CHL1: variants seen among roughly 807,000 people sequenced by gnomAD.
The protein encoded by CHL1 is cell adhesion molecule L1 like.
Under a neutral mutation model 141.9 loss-of-function variants are expected in CHL1, and 96 were observed. The observed-to-expected ratio is 0.68, with a 90% CI of 0.57 to 0.80. The LOEUF (loss-of-function observed/expected upper bound fraction) is 0.80, where lower values mean the gene tolerates loss of function less well. CHL1 is among the 30% of genes least tolerant of loss of function. The pLI, the probability that CHL1 is intolerant of heterozygous loss-of-function variation, is 0.00. For synonymous variants in CHL1, 613 were observed against 502.2 expected (o/e 1.22, Z -2.95); for missense variants, 1,820 against 1,457.2 (o/e 1.25, Z -4.05).
intron 25 of CHL1, among the ~76,000 whole-genome samples, 193 bp downstream of exon 25, chr3:398,578 A>G (rs527345488): frequency 2.6e-5 from 4 of 152,298 alleles, no homozygotes; most frequent in Non-Finnish European, 4.4e-5. Flanking sequence ...ACCATCCTTT[A>G]TTTTGTTTTT....
chr3:232,478 C>T (rs951131181), intron 1 of CHL1, among the ~76,000 whole-genome samples: 12 of 151,928 alleles, frequency 7.9e-5, no homozygotes, highest in African/African-American at 2.7e-4. Flanking sequence ...ATTTTTTGAA[C>T]GTTTTACTAT....
chr3:338,732 G>A (rs1702131679), intron 5 of CHL1, among the ~76,000 whole-genome samples: 2 of 152,178 alleles, frequency 1.3e-5, no homozygotes, highest in Admixed American at 1.3e-4. Flanking sequence ...GCACGCGATA[G>A]CAGTTTTGGT....
At chr3:232,126 A>T (rs956820059) in intron 1 of CHL1, among the ~76,000 whole-genome samples, 2 of 150,808 alleles carry the variant, frequency 1.3e-5, no homozygotes, top group African/African-American at 5.0e-5. Flanking sequence ...TCATCTCCTT[A>T]ACTGAGAAGG....
intron 2 of CHL1, among the ~76,000 whole-genome samples, chr3:251,833 T>C (rs927169956): frequency 6.6e-6 from 1 of 152,190 alleles, no homozygotes; most frequent in Non-Finnish European, 1.5e-5. Flanking sequence ...ATATTTCTTC[T>C]ACTAAAAAGC....
At chr3:394,557 G>T (rs907406155) in intron 23 of CHL1, 136 bp from the exon 24 acceptor site, 3 of 654,990 alleles carry the variant, frequency 4.6e-6, no homozygotes, top group Middle Eastern at 4.2e-4. Context: ...GTACCTCATA[G>T]GATTAAATGA....
chr3:198,530 C>G (rs748027228), intron 1 of CHL1, among the ~76,000 whole-genome samples: 1 of 152,196 alleles, frequency 6.6e-6, no homozygotes, highest in Non-Finnish European at 1.5e-5. Flanking sequence ...TAACTACGTG[C>G]CTCAGTTTCC....
At chr3:268,683 T>C (rs897603704) in intron 2 of CHL1, among the ~76,000 whole-genome samples, 1 of 152,228 alleles carries the variant, frequency 6.6e-6, no homozygotes, top group Non-Finnish European at 1.5e-5. Flanking sequence ...CATAAATATA[T>C]CTTGCAAAAC....
intron 2 of CHL1, among the ~76,000 whole-genome samples, chr3:276,890 T>TA (rs11292528): frequency 0.016 from 1,062 of 64,418 alleles, 30 homozygotes; most frequent in African/African-American, 0.032. Context: ...CTCCGTCTCC[T>TA]AAAAAAAAAA....
At chr3:344,463 T>C (rs1238236886) in intron 8 of CHL1, 126 bp from the exon 9 acceptor site, 2 of 349,040 alleles carry the variant, frequency 5.7e-6, no homozygotes, top group Non-Finnish European at 9.6e-6. Flanking sequence ...GAAATGTGTA[T>C]AGAACACACA....
chr3:210,081 C>A (rs915577486), intron 1 of CHL1, among the ~76,000 whole-genome samples: 4 of 152,162 alleles, frequency 2.6e-5, no homozygotes, highest in African/African-American at 9.7e-5. Flanking sequence ...ATATGAGATT[C>A]TTGGGGTATC....
At chr3:362,120 A>G (rs940744889) in intron 13 of CHL1, among the ~76,000 whole-genome samples, 1 of 152,200 alleles carries the variant, frequency 6.6e-6, no homozygotes, top group Non-Finnish European at 1.5e-5. Context: ...AGGTACCACA[A>G]GGTCATGTTT....
chr3:407,317 T>C lies in CHL1; in HGVS notation c.*1606T>C, dbSNP rs1308072867. On this transcript the variant is annotated 3_prime_UTR_variant, in exon 28 of 28. Coordinates refer to ENST00000256509, the MANE Select transcript of CHL1 (RefSeq NM_006614.4). ...CCTTATAGTTCATGGAGACCAAAAT[T>C]TGGGGTATTTATAATAGTCAGCGCA... is the stretch of plus-strand genomic sequence containing the variant. The C allele has an allele frequency of 6.6e-6, 1 of 152,068 alleles. No individual in the cohort carries two copies. Among genetic ancestry groups the C allele is most frequent in the Non-Finnish European group, 1.5e-5 (1 of 68,006 alleles). The allele number at this position is 152,068 out of a possible 1,614,324, so 9.4% of individuals were successfully genotyped here.
At chr3:343,368 TTAAG>T (rs561815497) in intron 8 of CHL1, among the ~76,000 whole-genome samples, 346 of 152,286 alleles carry the variant, frequency 2.3e-3, no homozygotes, top group African/African-American at 8.0e-3. Context: ...AAAGAAATGG[TTAAG>T]TGTCAAAAGA....
At chr3:283,615 A>G (rs1696854278) in intron 2 of CHL1, among the ~76,000 whole-genome samples, 1 of 152,224 alleles carries the variant, frequency 6.6e-6, no homozygotes, top group Admixed American at 6.5e-5. Flanking sequence ...GTTAAATTAA[A>G]TTCATATGAG....
At chr3:333,476 T>C (rs1437276470) in intron 5 of CHL1, among the ~76,000 whole-genome samples, 1 of 152,112 alleles carries the variant, frequency 6.6e-6, no homozygotes, top group Non-Finnish European at 1.5e-5. Context: ...TTCAACAACA[T>C]TGCAGTTAAG....
chr3:272,944 A>T (rs1033236682), intron 2 of CHL1, among the ~76,000 whole-genome samples: 1 of 152,188 alleles, frequency 6.6e-6, no homozygotes, highest in East Asian at 1.9e-4. Flanking sequence ...CAATGAAGAG[A>T]TAATGAAGGG....
chr3:344,029 G>T (rs976542989), intron 8 of CHL1, among the ~76,000 whole-genome samples: 10 of 152,112 alleles, frequency 6.6e-5, no homozygotes, highest in African/African-American at 2.4e-4. Context: ...AGGTAGTGAG[G>T]ATGCTTACTA....
chr3:372,776 T>C (rs1450266535), intron 15 of CHL1, among the ~76,000 whole-genome samples: 2 of 152,146 alleles, frequency 1.3e-5, no homozygotes, highest in African/African-American at 2.4e-5. Context: ...ATGGGGTTTT[T>C]TGTGGGAGAT....
At chr3:211,413 C>A (rs954841000) in intron 1 of CHL1, among the ~76,000 whole-genome samples, 6 of 152,162 alleles carry the variant, frequency 3.9e-5, no homozygotes, top group African/African-American at 7.2e-5. Flanking sequence ...AGCAGTAGAG[C>A]TTTCTTGAGC....
Sources: allele counts gnomAD v4.1 joint callset (sites outside exome capture counted in the v4.1 genomes callset), GRCh38; gene constraint gnomAD v4.1.1; transcripts MANE v1.5; gene names NCBI Gene and HGNC (gene_info 2026-07-23, HGNC 2026-07-21).